The following MAGI1 variants were observed in gnomAD, a reference collection of about 807,000 sequenced individuals.
MAGI1 encodes membrane associated guanylate kinase, WW and PDZ domain containing 1.
MAGI1 carries 58 observed loss-of-function variants against 139.9 expected under a neutral mutation model. The observed-to-expected ratio is 0.41, with a 90% confidence interval of 0.34 to 0.52. The LOEUF (loss-of-function observed/expected upper bound fraction) is 0.52, where lower values mean the gene tolerates loss of function less well. Among genes scored for constraint, MAGI1 ranks in the 20% least tolerant of loss-of-function variants. The probability of loss-of-function intolerance (pLI) is 0.12; values close to 1 mark genes in which losing one functional copy is unlikely to be tolerated. For synonymous variants in MAGI1, 812 were observed against 737.9 expected, an observed-to-expected ratio of 1.10 and a Z score of -1.63; for missense variants, 1,874 against 1,901.6, an observed-to-expected ratio of 0.99 and a Z score of 0.27.
chr3:65,568,944 A>G (rs2080812324), intron 2 of MAGI1, among the ~76,000 whole-genome samples: 1 of 152,248 alleles, frequency 6.6e-6, no homozygotes, highest in Non-Finnish European at 1.5e-5. Flanking sequence ...AGTTGACATC[A>G]AATAGCAGCC....
At position 65,756,426 on chromosome 3, in the gene MAGI1, A is replaced by G. The variant is rs2036572452; in HGVS notation, c.314-134338T>C. 2.0e-5 allele frequency among the ~76,000 whole-genome samples: 3 copies of G among 152,190 alleles called. No individual in the cohort carries two copies. The South Asian group carries it at 6.2e-4, about 32-fold the overall frequency. ...TACTAGTAAATTTAGAACACTTTAA[A>G]TAGCTCATAAAAACATGAGCAAAGG... On this transcript the variant is annotated intron_variant, in intron 1 of 22. Transcript: ENST00000402939.
intron 18 of MAGI1, among the ~76,000 whole-genome samples, chr3:65,374,683 T>A (rs1462579332): frequency 6.6e-6 from 1 of 152,176 alleles, no homozygotes; most frequent in Non-Finnish European, 1.5e-5. Flanking sequence ...GGGTAACTTT[T>A]TATTGTGAGG....
At chr3:65,399,723 A>G (rs542140660) in intron 13 of MAGI1, among the ~76,000 whole-genome samples, 1 of 152,318 alleles carries the variant, frequency 6.6e-6, no homozygotes, top group Admixed American at 6.5e-5. Context: ...GTCATAGGGA[A>G]TTCTCTTAAC....
chr3:65,410,311 C>T (rs536177980), intron 12 of MAGI1, among the ~76,000 whole-genome samples: 4 of 152,272 alleles, frequency 2.6e-5, no homozygotes, highest in African/African-American at 7.2e-5. Context: ...ATTTATTCTT[C>T]GTACCTGCAC....
chr3:66,006,145 G>A (rs896580928), intron 1 of MAGI1, among the ~76,000 whole-genome samples: 1 of 152,154 alleles, frequency 6.6e-6, no homozygotes. Flanking sequence ...CATTCATTTA[G>A]CCCTTATTGT....
At chr3:65,804,657 T>C (rs987178660) in intron 1 of MAGI1, among the ~76,000 whole-genome samples, 16 of 152,106 alleles carry the variant, frequency 1.1e-4, no homozygotes, top group Non-Finnish European at 2.2e-4. Flanking sequence ...CCTACACTTG[T>C]GCCAATCACC....
chr3:65,635,084 A>T (rs569075190), intron 1 of MAGI1, among the ~76,000 whole-genome samples: 279 of 151,480 alleles, frequency 1.8e-3, no homozygotes, highest in Admixed American at 3.5e-3. Context: ...AGTAAAATAA[A>T]ATATATATAT....
chr3:65,402,425 C>T (rs751708530), intron 12 of MAGI1, among the ~76,000 whole-genome samples: 3 of 151,940 alleles, frequency 2.0e-5, no homozygotes, highest in African/African-American at 4.8e-5. Context: ...GGGAAGGGTG[C>T]GAAAGACAGG....
At chr3:65,665,563 C>A in intron 1 of MAGI1, among the ~76,000 whole-genome samples, 1 of 152,136 alleles carries the variant, frequency 6.6e-6, no homozygotes, top group East Asian at 1.9e-4. Flanking sequence ...AAGTAAGATA[C>A]AATTATGTAT....
chr3:65,716,034 G>A (rs2032195009), intron 1 of MAGI1, among the ~76,000 whole-genome samples: 1 of 152,122 alleles, frequency 6.6e-6, no homozygotes, highest in African/African-American at 2.4e-5. Flanking sequence ...TGTATTCTAA[G>A]GCCTGTGAAA....
chr3:65,515,906 A>T (rs146406827), intron 2 of MAGI1, among the ~76,000 whole-genome samples: 2 of 152,364 alleles, frequency 1.3e-5, no homozygotes, highest in Non-Finnish European at 2.9e-5. Context: ...GGGTGAGAAC[A>T]CATCATAAAG....
intron 2 of MAGI1, among the ~76,000 whole-genome samples, chr3:65,495,226 T>A (rs940174442): frequency 3.3e-5 from 5 of 152,206 alleles, no homozygotes; most frequent in Admixed American, 6.5e-5. Context: ...TTCCTTAGTG[T>A]CTATTTCTCA....
At chr3:65,829,469 C>T (rs2042407788) in intron 1 of MAGI1, among the ~76,000 whole-genome samples, 1 of 152,144 alleles carries the variant, frequency 6.6e-6, no homozygotes. Context: ...TTCTTCTACC[C>T]CTTCTGGCAT....
intron 1 of MAGI1, among the ~76,000 whole-genome samples, chr3:65,766,681 T>G (rs992915782): frequency 5.9e-5 from 9 of 151,994 alleles, no homozygotes; most frequent in Non-Finnish European, 1.2e-4. Context: ...CTTGAGGTCA[T>G]GAGTTTGAGA....
chr3:65,982,771 C>CA (rs1426393296), intron 1 of MAGI1, among the ~76,000 whole-genome samples: 5 of 151,964 alleles, frequency 3.3e-5, no homozygotes, highest in Non-Finnish European at 7.4e-5. Flanking sequence ...GCACCAGTGC[C>CA]AAAAATCTAC....
At chr3:65,361,395 TG>T (rs1259320386) in intron 21 of MAGI1, 58 bp from the exon 22 acceptor site, 2 of 1,579,456 alleles carry the variant, frequency 1.3e-6, no homozygotes, top group Admixed American at 1.7e-5. Context: ...ATTCACCAAA[TG>T]TTTATTAAGC....
intron 2 of MAGI1, among the ~76,000 whole-genome samples, chr3:65,577,591 T>C (rs2081230170): frequency 6.6e-6 from 1 of 152,174 alleles, no homozygotes; most frequent in South Asian, 2.1e-4. Flanking sequence ...CCTTGAAGAA[T>C]CCCTTAAACT....
At chr3:65,731,897 G>A (rs1370913706) in intron 1 of MAGI1, among the ~76,000 whole-genome samples, 1 of 152,160 alleles carries the variant, frequency 6.6e-6, no homozygotes, top group Non-Finnish European at 1.5e-5. Flanking sequence ...GCACAGGAAA[G>A]AATGAGGGTC....
At chr3:65,373,535 G>A (rs749694052) in intron 18 of MAGI1, among the ~76,000 whole-genome samples, 6 of 152,184 alleles carry the variant, frequency 3.9e-5, no homozygotes, top group Middle Eastern at 3.2e-3. Context: ...AGACTTGCTC[G>A]AAGCAGGGTG....
Sources: allele counts gnomAD v4.1 joint callset (sites outside exome capture counted in the v4.1 genomes callset), GRCh38; gene constraint gnomAD v4.1.1; transcripts MANE v1.5; gene names NCBI Gene and HGNC (gene_info 2026-07-23, HGNC 2026-07-21).